RHBDL3: variants seen among roughly 807,000 people sequenced by gnomAD.
RHBDL3 encodes the protein rhomboid like 3.
Under a neutral mutation model 48.2 loss-of-function variants are expected in RHBDL3, and 28 were observed. The ratio of observed to expected loss-of-function variants is 0.58; its 90% confidence interval spans 0.43 to 0.80. The LOEUF is 0.80. RHBDL3 is among the 30% of genes least tolerant of loss of function. The pLI, the probability that RHBDL3 is intolerant of heterozygous loss-of-function variation, is 0.00. For synonymous variants in RHBDL3, 208 were observed against 232.3 expected (o/e 0.90, Z 0.95); for missense variants, 464 against 542.7 (o/e 0.85, Z 1.44).
At chr17:32,290,308 T>A (rs1445001779) in intron 4 of RHBDL3, among the ~76,000 whole-genome samples, 1 of 152,208 alleles carries the variant, frequency 6.6e-6, no homozygotes, top group African/African-American at 2.4e-5. Context: ...CTGGCCACTC[T>A]GGAAGTCTAG....
chr17:32,314,736 A>G lies in RHBDL3; in HGVS notation c.883-1496A>G, dbSNP rs559749484. Among the ~76,000 whole-genome samples, 35 of 152,256 alleles carry G rather than the reference A, an allele frequency of 2.3e-4. 1 individual carries two copies. The East Asian group carries it at 6.8e-3, about 29-fold the overall frequency. The stretch of plus-strand genomic sequence containing the variant: ...CTCCCATCCTAGGGTTTCAGCTTGA[A>G]GAGGGGGCTGCGGTGCCCACCATCT... On this transcript the variant is annotated intron_variant, in intron 7 of 8. Coordinates refer to ENST00000269051, the MANE Select transcript of RHBDL3 (RefSeq NM_138328.3).
chr17:32,291,302 C>T (rs1398094936), intron 4 of RHBDL3, among the ~76,000 whole-genome samples: 1 of 150,344 alleles, frequency 6.7e-6, no homozygotes, highest in African/African-American at 2.5e-5. Context: ...CACTGCACTC[C>T]AGCCTGGGCG....
intron 2 of RHBDL3, among the ~76,000 whole-genome samples, chr17:32,282,998 C>G (rs953602522): frequency 5.3e-5 from 8 of 152,324 alleles, no homozygotes; most frequent in African/African-American, 1.9e-4. Flanking sequence ...ATGCTACACA[C>G]AGAATCCACT....
At chr17:32,271,228 C>G (rs2039766937) in intron 2 of RHBDL3, among the ~76,000 whole-genome samples, 1 of 152,194 alleles carries the variant, frequency 6.6e-6, no homozygotes, top group African/African-American at 2.4e-5. Context: ...ACCCTGCACT[C>G]CATCTGCATC....
chr17:32,270,210 C>G (rs1271073869), intron 2 of RHBDL3, among the ~76,000 whole-genome samples: 2 of 151,424 alleles, frequency 1.3e-5, no homozygotes, highest in Admixed American at 6.6e-5. Context: ...GACATGACAC[C>G]TCTCAGAGTC....
chr17:32,266,462 C>A lies in RHBDL3; in HGVS notation c.111+162C>A, dbSNP rs539114279. Among the ~76,000 whole-genome samples the A allele has an allele frequency of 1.6e-4, 24 of 152,298 alleles. No homozygotes were observed. In the South Asian group the frequency reaches 5.0e-3, roughly 32 times the overall value. ...GGCAGGAGGGGGCGGAGGGACCGGT[C>A]TCCCCGAAACGCGCGCGCACCGCTT... On this transcript the variant is annotated intron_variant, in intron 1 of 8. Transcript: ENST00000269051.
At chr17:32,300,418 G>A (rs780507549) in intron 6 of RHBDL3, among the ~76,000 whole-genome samples, 2 of 152,122 alleles carry the variant, frequency 1.3e-5, no homozygotes, top group Admixed American at 6.6e-5. Flanking sequence ...GGGCATGGTG[G>A]TGTAGGCCTG....
chr17:32,322,382 T>G lies in RHBDL3; in HGVS notation c.*1153T>G, dbSNP rs1364290582. The G allele has an allele frequency of 6.6e-6, 1 of 152,220 alleles. No individual in the cohort carries two copies. Among genetic ancestry groups the G allele is most frequent in the African/African-American group, 2.4e-5 (1 of 41,420 alleles). The allele number at this position is 152,220 out of a possible 1,614,324, so 9.4% of individuals were successfully genotyped here. A position where few individuals can be genotyped will look rare whatever the true frequency, so the allele number is the denominator to read the frequency against. On this transcript the variant is annotated 3_prime_UTR_variant, in exon 9 of 9. Coordinates refer to ENST00000269051, the MANE Select transcript of RHBDL3 (RefSeq NM_138328.3). ...AGAATGGCCCTGCTGGAGGGAGAGC[T>G]CAAGCCCTCCAAGGATCCCTGGATG... is the stretch of plus-strand genomic sequence containing the variant.
In RHBDL3 at chr17:32,284,404, T is replaced by A. The variant is rs2040144792; in HGVS notation, c.136-255T>A. 16 of 430,236 alleles carry A rather than the reference T, an allele frequency of 3.7e-5. No individual in the cohort carries two copies. The South Asian group carries it at 6.5e-4, about 18-fold the overall frequency. 26.7% of individuals were successfully genotyped at this position (430,236 alleles called of 1,614,324 possible). On this transcript the variant is annotated intron_variant, in intron 2 of 8. Transcript: ENST00000269051. ...CCTCTCCATGGTGAGAGGAGGCGGT[T>A]TAACCTCTCTGAGCCTCAGTTTCCT...
intron 7 of RHBDL3, among the ~76,000 whole-genome samples, chr17:32,315,816 G>A (rs1442869905): frequency 6.6e-6 from 1 of 151,806 alleles, no homozygotes; most frequent in Non-Finnish European, 1.5e-5. Flanking sequence ...TGAGCTAAAA[G>A]ATCCTGGCTT....
At chr17:32,284,519 TG>T in intron 2 of RHBDL3, 139 bp from the exon 3 acceptor site, 1 of 743,964 alleles carries the variant, frequency 1.3e-6, no homozygotes, top group Non-Finnish European at 2.2e-6. Context: ...GGGGGGTCCT[TG>T]GAAATCTCCC....
In RHBDL3 at chr17:32,322,096, G is replaced by A. The variant is rs1285145264; in HGVS notation, c.*867G>A. On this transcript the variant is annotated 3_prime_UTR_variant, in exon 9 of 9. Coordinates refer to ENST00000269051, the MANE Select transcript of RHBDL3 (RefSeq NM_138328.3). ...CTACTTTGTGCCTCTCTTTGGTTAT[G>A]GAGACAGTGTTTTGAAACATTCATG... 6.5e-6 allele frequency: 1 copy of A among 152,924 alleles called. No individual in the cohort carries two copies. The allele number at this position is 152,924 out of a possible 1,614,324, so 9.5% of individuals were successfully genotyped here.
At chr17:32,283,201 C>T (rs1216340360) in intron 2 of RHBDL3, among the ~76,000 whole-genome samples, 1 of 151,876 alleles carries the variant, frequency 6.6e-6, no homozygotes, top group Non-Finnish European at 1.5e-5. Flanking sequence ...TCCTGGCGTC[C>T]AGGAGATGCT....
intron 6 of RHBDL3, among the ~76,000 whole-genome samples, chr17:32,300,726 C>T (rs534088667): frequency 9.9e-5 from 15 of 152,266 alleles, no homozygotes; most frequent in African/African-American, 1.9e-4. Flanking sequence ...TGCGGATGAT[C>T]GTGGATGCTA....
intron 2 of RHBDL3, among the ~76,000 whole-genome samples, chr17:32,277,122 A>C (rs1214398244): frequency 6.6e-6 from 1 of 152,152 alleles, no homozygotes; most frequent in Non-Finnish European, 1.5e-5. Flanking sequence ...TTCCTGACTC[A>C]AGAGGTCTTT....
rs2041139597 is a variant in RHBDL3, at chr17:32,321,750, C to G, written c.*521C>G. 3.1e-5 allele frequency: 7 copies of G among 225,482 alleles called. No individual in the cohort carries two copies. In the South Asian group the frequency reaches 3.5e-4, roughly 11 times the overall value. The allele number at this position is 225,482 out of a possible 1,614,324, so 14.0% of individuals were successfully genotyped here. On this transcript the variant is annotated 3_prime_UTR_variant, in exon 9 of 9. Coordinates refer to ENST00000269051, the MANE Select transcript of RHBDL3 (RefSeq NM_138328.3). ...TAAGAAGAGGGCCTACTGGACATGT[C>G]AGCTGTGACCTGGCTGAAACCAGGG...
At chr17:32,279,844 C>T (rs2040001216) in intron 2 of RHBDL3, among the ~76,000 whole-genome samples, 1 of 152,174 alleles carries the variant, frequency 6.6e-6, no homozygotes, top group Non-Finnish European at 1.5e-5. Flanking sequence ...CTGGAACTCT[C>T]TTCCTCCCCT....
intron 3 of RHBDL3, among the ~76,000 whole-genome samples, chr17:32,286,944 G>A (rs1386067108): frequency 6.6e-6 from 1 of 152,222 alleles, no homozygotes; most frequent in African/African-American, 2.4e-5. Flanking sequence ...GGCTAGCATG[G>A]ACTGTGGAGT....
At chr17:32,316,539 G>T (rs1263173434) in intron 8 of RHBDL3, among the ~76,000 whole-genome samples, 1 of 151,856 alleles carries the variant, frequency 6.6e-6, no homozygotes, top group Non-Finnish European at 1.5e-5. Flanking sequence ...TTGAGACAGG[G>T]TGTCTCCCTG....
Sources: allele counts gnomAD v4.1 joint callset (sites outside exome capture counted in the v4.1 genomes callset), GRCh38; gene constraint gnomAD v4.1.1; transcripts MANE v1.5; gene names NCBI Gene and HGNC (gene_info 2026-07-23, HGNC 2026-07-21).